CRACDL: variants seen among roughly 807,000 people sequenced by gnomAD.
The protein encoded by CRACDL is CRACD-like protein.
CRACDL carries 26 observed loss-of-function variants against 70.6 expected under a neutral mutation model. The observed-to-expected ratio is 0.37, with a 90% CI of 0.27 to 0.51. CRACDL has a LOEUF of 0.51. Ranked by LOEUF, CRACDL falls within the 20% of genes least tolerant of loss-of-function variation. The pLI is 0.94. For missense variants in CRACDL, 1,283 were observed against 1,376.9 expected, an observed-to-expected ratio of 0.93 and a Z score of 1.08; for synonymous variants, 618 against 615.2, an observed-to-expected ratio of 1.00 and a Z score of -0.07.
intron 9 of CRACDL, 101 bp downstream of exon 9, chr2:98,796,019 G>T: frequency 2.8e-6 from 3 of 1,079,006 alleles, no homozygotes; most frequent in Non-Finnish European, 4.3e-6. Flanking sequence ...ACTCAATGTT[G>T]CAAGTAATTT....
intron 7 of CRACDL, among the ~76,000 whole-genome samples, chr2:98,809,099 T>A (rs1704444179): frequency 6.6e-6 from 1 of 152,206 alleles, no homozygotes; most frequent in Non-Finnish European, 1.5e-5. Flanking sequence ...TAATCAGTTT[T>A]AATTCAGTAA....
At chr2:98,880,617 T>G (rs1707623310) in intron 1 of CRACDL, among the ~76,000 whole-genome samples, 1 of 151,754 alleles carries the variant, frequency 6.6e-6, no homozygotes, top group Non-Finnish European at 1.5e-5. Flanking sequence ...TGCCCCTGGG[T>G]TAGTAAGAGG....
chr2:98,885,987 T>C (rs923292792), intron 1 of CRACDL, among the ~76,000 whole-genome samples: 20 of 152,154 alleles, frequency 1.3e-4, no homozygotes, highest in African/African-American at 4.8e-4. Flanking sequence ...TCAGGGAACA[T>C]TTATTTGAGA....
At chr2:98,799,239 C>G (rs547282285) in intron 7 of CRACDL, among the ~76,000 whole-genome samples, 2 of 152,254 alleles carry the variant, frequency 1.3e-5, no homozygotes, top group South Asian at 2.1e-4. Flanking sequence ...GTCTTCCACC[C>G]CTTGCTCTGG....
chr2:98,897,287 G>C, intron 1 of CRACDL: 2 of 773,626 alleles, frequency 2.6e-6, no homozygotes, highest in Non-Finnish European at 1.9e-6. Flanking sequence ...ATGTACCGGT[G>C]GTTTGTTCCT....
chr2:98,837,310 G>T lies in CRACDL; in HGVS notation c.239+809C>A, dbSNP rs184118569. ...CCTTTAAAAAACAGGCAAGGAGGCT[G>T]GGGAGGGGCGAGAGCAAGAGAGGGG... is the stretch of plus-strand genomic sequence containing the variant. On this transcript the variant is annotated intron_variant, in intron 3 of 9. Transcript: ENST00000397899. Among the ~76,000 whole-genome samples, 116 of 152,174 alleles carry T rather than the reference G, an allele frequency of 7.6e-4. 1 individual carries two copies. Among genetic ancestry groups the T allele is most frequent in the African/African-American group, 2.7e-3 (111 of 41,510 alleles).
At chr2:98,914,989 C>A (rs1708632413) in intron 1 of CRACDL, among the ~76,000 whole-genome samples, 1 of 152,202 alleles carries the variant, frequency 6.6e-6, no homozygotes, top group East Asian at 1.9e-4. Context: ...TGTCCAGAGT[C>A]CCCGGGTCTA....
chr2:98,794,297 C>T lies in CRACDL; in HGVS notation c.*235G>A. Reference sequence around the variant, plus strand: ...ACATTCGTACCTTTGGGCACAGGAACTGGTTCCTGGACTTTTTCAATGTTG... The same window carrying T: ...ACATTCGTACCTTTGGGCACAGGAATTGGTTCCTGGACTTTTTCAATGTTG... On this transcript the variant is annotated 3_prime_UTR_variant, in exon 10 of 10. Transcript: ENST00000397899. The T allele has an allele frequency of 2.4e-6, 1 of 417,250 alleles. No individual in the cohort carries two copies. The highest frequency in any genetic ancestry group is 4.3e-6 in the Non-Finnish European group (1 of 234,822). The allele number at this position is 417,250 out of a possible 1,614,324, so 25.8% of individuals were successfully genotyped here.
At chr2:98,813,556 C>A (rs1359805064) in intron 7 of CRACDL, among the ~76,000 whole-genome samples, 2 of 152,164 alleles carry the variant, frequency 1.3e-5, no homozygotes, top group Admixed American at 6.5e-5. Flanking sequence ...CTAAGTCTCA[C>A]ATCATATACA....
intron 5 of CRACDL, among the ~76,000 whole-genome samples, chr2:98,828,181 G>A (rs560389773): frequency 2.0e-5 from 3 of 152,314 alleles, no homozygotes; most frequent in East Asian, 3.9e-4. Flanking sequence ...GAGTGAGGTC[G>A]AAGTGGGCTC....
chr2:98,797,269 G>A (rs1703863565), intron 8 of CRACDL, 81 bp downstream of exon 8: 1 of 1,318,994 alleles, frequency 7.6e-7, no homozygotes, highest in Admixed American at 1.9e-5. Context: ...CAGCACATGT[G>A]GTCCTTACAG....
intron 1 of CRACDL, among the ~76,000 whole-genome samples, chr2:98,867,924 G>T (rs1406830947): frequency 1.3e-5 from 2 of 152,118 alleles, no homozygotes; most frequent in African/African-American, 4.8e-5. Context: ...TGACATTTCT[G>T]CAGCACAGCA....
chr2:98,881,043 G>T (rs1391842203), intron 1 of CRACDL, among the ~76,000 whole-genome samples: 1 of 152,184 alleles, frequency 6.6e-6, no homozygotes, highest in East Asian at 1.9e-4. Flanking sequence ...GGCTCCTAGT[G>T]GCTTCAGAGC....
chr2:98,921,922 A>G (rs1008133962), intron 1 of CRACDL, among the ~76,000 whole-genome samples: 2 of 152,066 alleles, frequency 1.3e-5, no homozygotes, highest in Non-Finnish European at 2.9e-5. Flanking sequence ...ACTTTCTCGG[A>G]CCCCATGCAC....
At chr2:98,892,686 T>C (rs1708009625) in intron 1 of CRACDL, among the ~76,000 whole-genome samples, 1 of 150,748 alleles carries the variant, frequency 6.6e-6, no homozygotes, top group African/African-American at 2.4e-5. Flanking sequence ...TGAGGCTCAG[T>C]CTCAAAAAAA....
intron 1 of CRACDL, among the ~76,000 whole-genome samples, chr2:98,860,486 T>C (rs188915416): frequency 1.3e-5 from 2 of 152,356 alleles, no homozygotes; most frequent in East Asian, 1.9e-4. Flanking sequence ...TTATGGCCAA[T>C]TGATTTTCAA....
In CRACDL at chr2:98,823,401, G is replaced by A; in HGVS notation, c.872C>T (p.Pro291Leu). The A allele has an allele frequency of 6.4e-7, 1 of 1,555,902 alleles. No homozygotes were observed. The highest frequency in any genetic ancestry group is 8.6e-7 in the Non-Finnish European group (1 of 1,158,890). Residue 291 changes from proline to leucine, a missense_variant, in exon 7 of 10, where the codon CCT becomes CTT. By Grantham distance (98) the Pro-to-Leu change is moderately conservative (BLOSUM62 -3). This residue lies in a region of CRACDL where 362 missense variants were observed against 495.0 expected (regional missense o/e 0.73). Transcript: ENST00000397899. This position sits in a 1 kb window ranked among gnomAD's most constrained non-coding sequence, Gnocchi z 4.0. ...GQQDVAPDRG[P>L]EPGPPAPLPP... ...CAAGGGCGCCGGTGGCCCAGGCTCA[G>A]GGCCTCTGTCTGGCGCCACGTCCTG...
intron 1 of CRACDL, chr2:98,913,090 G>C (rs1175551155): frequency 1.3e-5 from 2 of 152,176 alleles, no homozygotes; most frequent in Non-Finnish European, 2.9e-5. Context: ...AAAACCATTT[G>C]ATCAGAAAAG....
At chr2:98,846,942 G>A (rs1706281468) in intron 1 of CRACDL, 132 bp from the exon 2 acceptor site, 3 of 720,390 alleles carry the variant, frequency 4.2e-6, no homozygotes, top group African/African-American at 3.5e-5. Context: ...CCAGGGCAGA[G>A]TGCAGCACAG....
Sources: gnomAD v4.1 joint callset for allele counts (sites outside exome capture counted in the v4.1 genomes callset) on GRCh38, gnomAD v4.1.1 for gene constraint, gnomAD v4.1.1 regional missense constraint, Gnocchi (gnomAD v3.1) non-coding constraint, MANE v1.5 for transcripts, NCBI Gene and HGNC (gene_info 2026-07-23, HGNC 2026-07-21) for gene names.